The following LRP5 variants were observed in gnomAD, a reference collection of about 807,000 sequenced individuals.
LRP5 encodes LDL receptor related protein 5, also known as low-density lipoprotein receptor-related protein 5.
A neutral mutation model predicts 154.1 loss-of-function variants in LRP5; 62 were observed. That is an observed-to-expected ratio of 0.40 (90% CI 0.33 to 0.50). The LOEUF (loss-of-function observed/expected upper bound fraction) is 0.50, where lower values mean the gene tolerates loss of function less well. Ranked by LOEUF, LRP5 falls within the 20% of genes least tolerant of loss-of-function variation. The probability of loss-of-function intolerance (pLI) is 0.55; values close to 1 mark genes in which losing one functional copy is unlikely to be tolerated. For synonymous variants in LRP5, 966 were observed against 1,011.5 expected, an observed-to-expected ratio of 0.96 and a Z score of 0.85; for missense variants, 1,915 against 2,336.7, an observed-to-expected ratio of 0.82 and a Z score of 3.72.
intron 1 of LRP5, among the ~76,000 whole-genome samples, chr11:68,336,989 C>T (rs943386766): frequency 6.6e-6 from 1 of 152,222 alleles, no homozygotes; most frequent in African/African-American, 2.4e-5. Flanking sequence ...GTCCTGCTGG[C>T]TGAGCTGTGG....
At chr11:68,389,536 C>G (rs2098645133) in intron 6 of LRP5, among the ~76,000 whole-genome samples, 1 of 151,686 alleles carries the variant, frequency 6.6e-6, no homozygotes, top group Admixed American at 6.6e-5. Flanking sequence ...CAGCATTTAC[C>G]AACACCGATG....
chr11:68,360,554 G>A (rs1224974232), intron 3 of LRP5, among the ~76,000 whole-genome samples: 2 of 151,844 alleles, frequency 1.3e-5, no homozygotes, highest in African/African-American at 4.8e-5. Flanking sequence ...GACGAGCTCT[G>A]GAGCCACACA....
chr11:68,369,263 A>G (rs1266952853), intron 5 of LRP5, among the ~76,000 whole-genome samples: 1 of 152,128 alleles, frequency 6.6e-6, no homozygotes, highest in Non-Finnish European at 1.5e-5. Flanking sequence ...TGGGCAGGTG[A>G]GAGCTGGCTT....
At chr11:68,395,967 C>T (rs1231309758) in intron 7 of LRP5, among the ~76,000 whole-genome samples, 1 of 152,186 alleles carries the variant, frequency 6.6e-6, no homozygotes, top group Admixed American at 6.5e-5. Context: ...GGTGGATGCG[C>T]CAGTGTTCCT....
Position 68,416,497 on chromosome 11 carries a change from C to T in LRP5, c.2997C>T (p.Asn999=), listed in dbSNP as rs755696364. The change falls in exon 13 of 23, where the codon AAC becomes AAT. Residue 999 remains asparagine (N), a synonymous_variant. Transcript: ENST00000294304. The part of the protein sequence containing the change: ...KFIYWVDGRQ[N]IKRAKDDGTQ... ...TCTACTGGGTGGATGGGCGCCAGAA[C>T]ATCAAGCGAGCCAAGGACGACGGGA... is the stretch of plus-strand genomic sequence containing the variant. The T allele has an allele frequency of 1.2e-6, 2 of 1,613,962 alleles. No individual in the cohort carries two copies. Among genetic ancestry groups the T allele is most frequent in the African/African-American group, 1.3e-5 (1 of 75,052 alleles).
chr11:68,342,842 A>T (rs1176640906), intron 1 of LRP5, among the ~76,000 whole-genome samples: 1 of 152,194 alleles, frequency 6.6e-6, no homozygotes, highest in Non-Finnish European at 1.5e-5. Context: ...ACCGTGGTGA[A>T]ATGTGGTCTT....
intron 7 of LRP5, among the ~76,000 whole-genome samples, chr11:68,394,558 C>T (rs574175069): frequency 1.3e-4 from 20 of 152,178 alleles, no homozygotes; most frequent in African/African-American, 2.7e-4. Context: ...CTCTGCCTCC[C>T]GGGTTCATGC....
chr11:68,369,986 G>A (rs943416404), intron 5 of LRP5, among the ~76,000 whole-genome samples: 2 of 152,170 alleles, frequency 1.3e-5, no homozygotes, highest in African/African-American at 4.8e-5. Flanking sequence ...CATGACCGGC[G>A]CCTTAGGTGC....
Position 68,423,617 on chromosome 11 carries a change from G to A in LRP5, c.3156G>A (p.Arg1052=), listed in dbSNP as rs199675099. 1.5e-5 allele frequency: 25 copies of A among 1,614,190 alleles called. 1 individual carries two copies. In the East Asian group the frequency reaches 5.6e-4, roughly 36 times the overall value. ...CEATNTINVH[R]LSGEAMGVVL... ...CCACCAATACCATCAACGTCCACAG[G>A]CTGAGCGGGGAAGCCATGGGGGTGG... Residue 1052 remains arginine (R), a synonymous_variant, in exon 14 of 23, where the codon AGG becomes AGA. Coordinates refer to ENST00000294304, the MANE Select transcript of LRP5 (RefSeq NM_002335.4). This position sits in a 1 kb window ranked among gnomAD's most constrained non-coding sequence, Gnocchi z 4.7.
In LRP5 at chr11:68,353,322, G is replaced by A. The variant is rs2098620341; in HGVS notation, c.489-4328G>A. On this transcript the variant is annotated intron_variant, in intron 2 of 22. Transcript: ENST00000294304. This position sits in a 1 kb window ranked among gnomAD's most constrained non-coding sequence, Gnocchi z 4.5. ...CTTTGCTCCAGTCATTTGAATGAGA[G>A]AGTGAAAACAGTGAGATGCCGGCTC... 6.6e-6 allele frequency among the ~76,000 whole-genome samples: 1 copy of A among 152,132 alleles called. No individual in the cohort carries two copies. The highest frequency in any genetic ancestry group is 1.5e-5 in the Non-Finnish European group (1 of 68,024).
chr11:68,384,495 G>A (rs1339840115), intron 5 of LRP5, among the ~76,000 whole-genome samples: 1 of 152,178 alleles, frequency 6.6e-6, no homozygotes, highest in African/African-American at 2.4e-5. Context: ...AGACCAGAAA[G>A]GTCTGGAACA....
At chr11:68,343,735 C>T (rs12280773) in intron 1 of LRP5, among the ~76,000 whole-genome samples, 1,824 of 152,252 alleles carry the variant, frequency 0.012, 37 homozygotes, top group African/African-American at 0.04. Flanking sequence ...GCCCCTCCTG[C>T]CCTCAGGCCT....
At chr11:68,424,996 C>A (rs2098667875) in intron 14 of LRP5, 106 bp from the exon 15 acceptor site, 1 of 939,416 alleles carries the variant, frequency 1.1e-6, no homozygotes, top group Non-Finnish European at 1.7e-6. Flanking sequence ...CTCGGGCAGC[C>A]CTGAGAGGCA....
chr11:68,346,894 G>A (rs1433696934), intron 1 of LRP5, among the ~76,000 whole-genome samples: 1 of 152,230 alleles, frequency 6.6e-6, no homozygotes, highest in East Asian at 1.9e-4. Flanking sequence ...CTGGTCCGAC[G>A]TCTGAGGTGT....
rs747908467 is a variant in LRP5 at position 68,411,547 on chromosome 11, C to T, written c.2430C>T (p.Thr810=). 11 of 1,613,766 alleles carry T rather than the reference C, an allele frequency of 6.8e-6. No homozygotes were observed. The Admixed American group carries it at 1.3e-4, about 20-fold the overall frequency. The change falls in exon 11 of 23, where the codon ACC becomes ACT. Residue 810 remains threonine, a synonymous_variant. Transcript: ENST00000294304. ...AGGTGGGCCGGGCCAACGACCTCAC[C>T]ATTGACTACGCTGACCAGCGCCTCT... ...VDKVGRANDL[T]IDYADQRLYW... is the part of the protein sequence containing the mutation.
intron 7 of LRP5, among the ~76,000 whole-genome samples, chr11:68,395,187 G>C (rs1288464212): frequency 6.6e-6 from 1 of 151,810 alleles, no homozygotes; most frequent in Non-Finnish European, 1.5e-5. Context: ...TGTAATCCCA[G>C]CTGCTTGGGA....
At chr11:68,357,533 C>T (rs544054418) in intron 2 of LRP5, 117 bp from the exon 3 acceptor site, 41 of 949,084 alleles carry the variant, frequency 4.3e-5, no homozygotes, top group Middle Eastern at 2.4e-4. Flanking sequence ...TGGTTATTTC[C>T]GATGGGTGAG....
chr11:68,411,557 G>A lies in LRP5; in HGVS notation c.2440G>A (p.Ala814Thr), dbSNP rs573746993. Residue 814 changes from alanine (A) to threonine (T), a missense_variant, in exon 11 of 23, where the codon GCT becomes ACT. Coordinates refer to ENST00000294304, the MANE Select transcript of LRP5 (RefSeq NM_002335.4). Reference sequence around the variant, plus strand: ...GGCCAACGACCTCACCATTGACTACGCTGACCAGCGCCTCTACTGGACCGA... The same window carrying A: ...GGCCAACGACCTCACCATTGACTACACTGACCAGCGCCTCTACTGGACCGA... The part of the protein sequence containing the change: ...GRANDLTIDY[A>T]DQRLYWTDLD... 1.1e-5 allele frequency: 17 copies of A among 1,613,742 alleles called. No homozygotes were observed. The highest frequency in any genetic ancestry group is 4.4e-5 in the South Asian group (4 of 91,076).
chr11:68,446,378 A>C, intron 21 of LRP5, 58 bp from the exon 22 acceptor site: 1 of 1,170,456 alleles, frequency 8.5e-7, no homozygotes, highest in East Asian at 2.3e-5. Flanking sequence ...GTGTGGGAGG[A>C]AGGAAGGAAT....
Sources: gnomAD v4.1 joint callset for allele counts (sites outside exome capture counted in the v4.1 genomes callset) on GRCh38, gnomAD v4.1.1 for gene constraint, Gnocchi (gnomAD v3.1) non-coding constraint, MANE v1.5 for transcripts, NCBI Gene and HGNC (gene_info 2026-07-23, HGNC 2026-07-21) for gene names.